Variants in WWOX observed in about 807,000 individuals in gnomAD.
WWOX encodes the protein WW domain containing oxidoreductase.
A neutral mutation model predicts 46.2 loss-of-function variants in WWOX; 69 were observed. The ratio of observed to expected loss-of-function variants is 1.49; its 90% CI spans 1.23 to 1.82. The LOEUF (loss-of-function observed/expected upper bound fraction) is 1.82, where lower values mean the gene tolerates loss of function less well. WWOX is among the 40% of genes most tolerant of loss of function. The probability of loss-of-function intolerance (pLI) is 0.00; values close to 1 mark genes in which losing one functional copy is unlikely to be tolerated. For synonymous variants in WWOX, 359 were observed against 202.6 expected, an observed-to-expected ratio of 1.77 and a Z score of -6.56; for missense variants, 919 against 542.6, an observed-to-expected ratio of 1.69 and a Z score of -6.89.
At chr16:78,734,409 A>C (rs1195261988) in intron 8 of WWOX, among the ~76,000 whole-genome samples, 2 of 152,128 alleles carry the variant, frequency 1.3e-5, no homozygotes, top group Non-Finnish European at 2.9e-5. Flanking sequence ...CCCTAATTGG[A>C]ATATAGTAAA....
chr16:79,185,975 T>C (rs1196800598), intron 8 of WWOX, among the ~76,000 whole-genome samples: 1 of 152,020 alleles, frequency 6.6e-6, no homozygotes, highest in Admixed American at 6.6e-5. Context: ...TGCGTGTGTG[T>C]GTGTGTGTAT....
At chr16:78,635,833 G>C (rs944143044) in intron 8 of WWOX, among the ~76,000 whole-genome samples, 2 of 152,122 alleles carry the variant, frequency 1.3e-5, no homozygotes, top group African/African-American at 2.4e-5. Flanking sequence ...TCAGAAGTTG[G>C]CGTTTCCTTG....
At position 78,984,584 on chromosome 16, in the gene WWOX, G is replaced by C. The variant is rs183938144; in HGVS notation, c.1057-227024G>C. On this transcript the variant is annotated intron_variant, in intron 8 of 8. Transcript: ENST00000566780. ...AGCAGAGAGTTCTGGCATCAACTTT[G>C]TTCGGAGAGATACTGACATACTTCT... is the stretch of plus-strand genomic sequence containing the variant. Among the ~76,000 whole-genome samples the C allele has an allele frequency of 1.3e-5, 2 of 152,300 alleles. 1 individual carries two copies. The highest frequency in any genetic ancestry group is 4.8e-5 in the African/African-American group (2 of 41,566).
At chr16:78,914,829 G>GA (rs2045206240) in intron 8 of WWOX, among the ~76,000 whole-genome samples, 1 of 145,416 alleles carries the variant, frequency 6.9e-6, no homozygotes, top group African/African-American at 2.6e-5. Context: ...CAGTGAGCCA[G>GA]GATCGCGCCA....
In WWOX at chr16:78,422,826, C is replaced by CAT. The variant is rs767103221; in HGVS notation, c.606-2032_606-2031dup. The stretch of plus-strand genomic sequence containing the variant: ...ATACACACACATATATATACACACA[C>CAT]ATATATATATATACATATACACACA... On this transcript the variant is annotated intron_variant, in intron 6 of 8. Coordinates refer to ENST00000566780, the MANE Select transcript of WWOX (RefSeq NM_016373.4). 2.7e-3 allele frequency among the ~76,000 whole-genome samples: 314 copies of CAT among 117,510 alleles called. 10 individuals carry two copies. The highest frequency in any genetic ancestry group is 6.5e-3 in the East Asian group (27 of 4,144). 77.1% of individuals were successfully genotyped at this position (117,510 alleles called of 152,430 possible). A position where few individuals can be genotyped will look rare whatever the true frequency, so the allele number is the denominator to read the frequency against.
chr16:79,098,883 G>A (rs2049132420), intron 8 of WWOX, among the ~76,000 whole-genome samples: 3 of 152,128 alleles, frequency 2.0e-5, no homozygotes, highest in South Asian at 2.1e-4. Context: ...AGAGTAAAGG[G>A]TATAGTTTTG....
intron 5 of WWOX, among the ~76,000 whole-genome samples, chr16:78,237,935 GTCTT>G (rs1196282224): frequency 2.0e-5 from 3 of 152,152 alleles, no homozygotes; most frequent in Non-Finnish European, 4.4e-5. Context: ...ACAATTTTCA[GTCTT>G]TTTTGTAGCT....
chr16:78,529,534 C>G (rs1372125696), intron 8 of WWOX, among the ~76,000 whole-genome samples: 2 of 152,034 alleles, frequency 1.3e-5, no homozygotes, highest in South Asian at 2.1e-4. Context: ...TGGCAAGATC[C>G]CTGCTCACTG....
At chr16:78,750,663 G>A (rs550794205) in intron 8 of WWOX, among the ~76,000 whole-genome samples, 1 of 151,898 alleles carries the variant, frequency 6.6e-6, no homozygotes, top group Admixed American at 6.6e-5. Context: ...CCCTTTTGAA[G>A]TCCCCAGAGT....
rs1409918496 is a variant in WWOX at position 79,056,528 on chromosome 16, C to G, written c.1057-155080C>G. On this transcript the variant is annotated intron_variant, in intron 8 of 8. Transcript: ENST00000566780. ...GAGTACAGGGTTTCTCAAGCTTTGG[C>G]ACTGCCAACATGTGGGGTTGGATAA... 2.0e-5 allele frequency among the ~76,000 whole-genome samples: 3 copies of G among 152,184 alleles called. No homozygotes were observed. The East Asian group carries it at 5.8e-4, about 29-fold the overall frequency.
chr16:78,274,951 G>A (rs79440197), intron 5 of WWOX, among the ~76,000 whole-genome samples: 59 of 152,126 alleles, frequency 3.9e-4, no homozygotes, highest in African/African-American at 1.3e-3. Context: ...TCTTTGGCTC[G>A]TTTTCAGTTT....
intron 4 of WWOX, among the ~76,000 whole-genome samples, chr16:78,136,198 T>G (rs1334244237): frequency 6.6e-6 from 1 of 152,184 alleles, no homozygotes; most frequent in Non-Finnish European, 1.5e-5. Flanking sequence ...ACATCTGGGC[T>G]AAAAGGTTCA....
intron 8 of WWOX, among the ~76,000 whole-genome samples, chr16:78,556,667 A>C (rs1012265004): frequency 5.3e-5 from 8 of 152,220 alleles, no homozygotes; most frequent in African/African-American, 1.9e-4. Context: ...TTTGCACAAC[A>C]CTGCTTTGTA....
At chr16:78,761,776 G>A (rs12596114) in intron 8 of WWOX, among the ~76,000 whole-genome samples, 1 of 151,992 alleles carries the variant, frequency 6.6e-6, no homozygotes, top group African/African-American at 2.4e-5. Context: ...TAACCCCTTG[G>A]TGTGAGGAGA....
At chr16:78,871,233 C>T (rs368784835) in intron 8 of WWOX, among the ~76,000 whole-genome samples, 1 of 150,460 alleles carries the variant, frequency 6.6e-6, no homozygotes, top group African/African-American at 2.4e-5. Context: ...TGTCCTAAGA[C>T]AGAAAGAGGG....
chr16:78,426,460 G>A (rs943059467), intron 7 of WWOX, among the ~76,000 whole-genome samples: 2 of 152,046 alleles, frequency 1.3e-5, no homozygotes, highest in African/African-American at 2.4e-5. Flanking sequence ...GCTTAACTAC[G>A]GTGTAATTCA....
chr16:78,735,584 C>G (rs1428756162), intron 8 of WWOX, among the ~76,000 whole-genome samples: 3 of 152,198 alleles, frequency 2.0e-5, no homozygotes, highest in Admixed American at 1.3e-4. Context: ...CACAAGTCAA[C>G]TTTTTGTGTC....
At chr16:78,132,033 T>C (rs1597245199) in intron 4 of WWOX, among the ~76,000 whole-genome samples, 1 of 149,530 alleles carries the variant, frequency 6.7e-6, no homozygotes, top group Non-Finnish European at 1.5e-5. Context: ...TTTTCTTTTT[T>C]TTTTTTTTTG....
At position 78,164,252 on chromosome 16, in the gene WWOX, G is replaced by C; in HGVS notation, c.479G>C (p.Arg160Thr). 3 of 1,614,112 alleles carry C rather than the reference G, an allele frequency of 1.9e-6. No individual in the cohort carries two copies. Among genetic ancestry groups the C allele is most frequent in the Non-Finnish European group, 2.5e-6 (3 of 1,179,982 alleles). The change falls in exon 5 of 9, where the codon AGG (arginine) becomes ACG (threonine). Residue 160 changes from arginine (R) to threonine (T), a missense_variant. By Grantham distance (71) the Arg-to-Thr change is moderately conservative (BLOSUM62 -1). Coordinates refer to ENST00000566780, the MANE Select transcript of WWOX (RefSeq NM_016373.4). ...ATCTTGGCCTGCAGGAACATGGCAA[G>C]GGCGAGTGAAGCAGTGTCACGCATT... ...HVILACRNMA[R>T]ASEAVSRILE... is the part of the protein sequence containing the mutation.
Sources: gnomAD v4.1 joint callset for allele counts (sites outside exome capture counted in the v4.1 genomes callset) on GRCh38, gnomAD v4.1.1 for gene constraint, MANE v1.5 for transcripts, NCBI Gene and HGNC (gene_info 2026-07-23, HGNC 2026-07-21) for gene names.